Variants in VPS13D observed in about 807,000 individuals in gnomAD.
VPS13D encodes the protein vacuolar protein sorting 13 homolog D.
In VPS13D, 187 loss-of-function variants were observed where a neutral mutation model predicts 461.9. That is an observed-to-expected ratio of 0.40 (90% CI 0.36 to 0.46). The LOEUF is 0.46. VPS13D is among the 20% of genes least tolerant of loss of function. The probability of loss-of-function intolerance (pLI) is 0.60; values close to 1 mark genes in which losing one functional copy is unlikely to be tolerated. For missense variants in VPS13D, 4,711 were observed against 5,364.9 expected, an observed-to-expected ratio of 0.88 and a Z score of 3.81; for synonymous variants, 1,951 against 1,986.3, an observed-to-expected ratio of 0.98 and a Z score of 0.47.
chr1:12,305,395 C>T (rs1642533702), intron 26 of VPS13D, among the ~76,000 whole-genome samples: 1 of 152,144 alleles, frequency 6.6e-6, no homozygotes, highest in African/African-American at 2.4e-5. Flanking sequence ...CCACCTCAGC[C>T]TCCTGAGTAG....
Position 12,335,780 on chromosome 1 carries a change from C to T in VPS13D, c.8504C>T (p.Ser2835Leu), listed in dbSNP as rs770130879. 1 of 1,614,136 alleles carries T rather than the reference C, an allele frequency of 6.2e-7. No individual in the cohort carries two copies. The highest frequency in any genetic ancestry group is 8.5e-7 in the Non-Finnish European group (1 of 1,180,004). ...KDDKDIESAK[S>L]EDWMGSSVDP... is the part of the protein sequence containing the mutation. ...GACAAGGACATAGAGTCAGCTAAATCAGAAGACTGGATGGGCTCTTCGGTG... is the reference window on the plus strand; with the variant it reads ...GACAAGGACATAGAGTCAGCTAAATTAGAAGACTGGATGGGCTCTTCGGTG... Residue 2835 changes from serine (S) to leucine (L), a missense_variant, in exon 39 of 70, where the codon TCA becomes TTA. Ser to Leu is a moderately radical substitution (Grantham distance 145, BLOSUM62 -2). Coordinates refer to ENST00000620676, the MANE Select transcript of VPS13D (RefSeq NM_015378.4).
At chr1:12,254,613 T>G (rs1384275293) in intron 7 of VPS13D, among the ~76,000 whole-genome samples, 1 of 138,218 alleles carries the variant, frequency 7.2e-6, no homozygotes, top group African/African-American at 2.7e-5. Flanking sequence ...GATCTTTGCC[T>G]CCCAGATGGA....
In VPS13D at chr1:12,317,835, A is replaced by G. The variant is rs148022600; in HGVS notation, c.7149-237A>G. Reference sequence around the variant, plus strand: ...GCTATACTACCTATGCTGCTTTCTTATAAAATGTTCCTTGTTGTTTAAAAA... The same window carrying G: ...GCTATACTACCTATGCTGCTTTCTTGTAAAATGTTCCTTGTTGTTTAAAAA... On this transcript the variant is annotated intron_variant, in intron 30 of 69. Coordinates refer to ENST00000620676, the MANE Select transcript of VPS13D (RefSeq NM_015378.4). 2.1e-3 allele frequency among the ~76,000 whole-genome samples: 317 copies of G among 152,336 alleles called. 2 individuals carry two copies. The highest frequency in any genetic ancestry group is 7.1e-3 in the African/African-American group (296 of 41,572).
intron 7 of VPS13D, among the ~76,000 whole-genome samples, chr1:12,255,242 G>A (rs1640880520): frequency 6.6e-6 from 1 of 152,068 alleles, no homozygotes; most frequent in African/African-American, 2.4e-5. Context: ...CACCATGCCC[G>A]GCAGGTTTTT....
intron 19 of VPS13D, 36 bp downstream of exon 19, chr1:12,278,074 AT>A: frequency 1.3e-6 from 2 of 1,556,318 alleles, no homozygotes; most frequent in Non-Finnish European, 1.7e-6. Flanking sequence ...ATTTTGTTTA[AT>A]GATTGAAAAC....
intron 67 of VPS13D, among the ~76,000 whole-genome samples, chr1:12,486,192 G>A (rs1645794619): frequency 6.6e-6 from 1 of 152,188 alleles, no homozygotes; most frequent in Non-Finnish European, 1.5e-5. Flanking sequence ...GGGCACATCT[G>A]GCTAGAGGTG....
chr1:12,280,875 T>G (rs2101376097), intron 20 of VPS13D, among the ~76,000 whole-genome samples: 1 of 152,168 alleles, frequency 6.6e-6, no homozygotes, highest in South Asian at 2.1e-4. Context: ...AATTCTTTCT[T>G]TAAAAATAAT....
At chr1:12,399,867 G>A (rs1393906819) in intron 60 of VPS13D, among the ~76,000 whole-genome samples, 2 of 152,072 alleles carry the variant, frequency 1.3e-5, no homozygotes, top group African/African-American at 4.8e-5. Flanking sequence ...CATGATGTTT[G>A]GAAATATTTT....
chr1:12,254,499 A>T (rs1640846180), intron 7 of VPS13D, among the ~76,000 whole-genome samples: 1 of 151,486 alleles, frequency 6.6e-6, no homozygotes, highest in Non-Finnish European at 1.5e-5. Context: ...GTGAAGGATT[A>T]AAAAAATCTC....
chr1:12,368,610 A>G lies in VPS13D; in HGVS notation c.10572+19A>G. Reference sequence around the variant, plus strand: ...TTCTAAGGTATCAAGTGGAGCTGAGAGCCAGTTTGACTGTTTCATGTGTGG... The same window carrying G: ...TTCTAAGGTATCAAGTGGAGCTGAGGGCCAGTTTGACTGTTTCATGTGTGG... On this transcript the variant is annotated intron_variant, in intron 53 of 69. Transcript: ENST00000620676. 1.2e-6 allele frequency: 2 copies of G among 1,607,138 alleles called. No homozygotes were observed. Among genetic ancestry groups the G allele is most frequent in the Non-Finnish European group, 1.7e-6 (2 of 1,176,430 alleles).
chr1:12,456,348 A>G (rs1397536713), intron 66 of VPS13D, among the ~76,000 whole-genome samples: 7 of 152,022 alleles, frequency 4.6e-5, no homozygotes, highest in African/African-American at 1.7e-4. Context: ...CTAAGAATAC[A>G]AAAATTAGGC....
chr1:12,301,457 G>C (rs1487535669), intron 25 of VPS13D, among the ~76,000 whole-genome samples: 2 of 152,196 alleles, frequency 1.3e-5, no homozygotes, highest in Non-Finnish European at 2.9e-5. Flanking sequence ...CATAAAGGCT[G>C]TAATAAAGGA....
chr1:12,381,960 TTCTTTCTTTCTTTCTTTCTTTCTC>T (rs1644284148), intron 57 of VPS13D, among the ~76,000 whole-genome samples: 2 of 142,706 alleles, frequency 1.4e-5, no homozygotes, highest in African/African-American at 5.4e-5. Context: ...CTTTCTTTCT[TTCTTTCTTTCTTTCTTTCTTTCTC>T]TCTCTCTCTC....
At chr1:12,328,079 A>G (rs1461194672) in intron 36 of VPS13D, among the ~76,000 whole-genome samples, 1 of 152,198 alleles carries the variant, frequency 6.6e-6, no homozygotes, top group Non-Finnish European at 1.5e-5. Context: ...CTTTGATAAA[A>G]TTTCCATTGT....
intron 63 of VPS13D, among the ~76,000 whole-genome samples, chr1:12,408,441 G>A (rs1410694191): frequency 6.6e-6 from 1 of 152,154 alleles, no homozygotes; most frequent in Non-Finnish European, 1.5e-5. Context: ...ACAGCTTACT[G>A]CAGCCTCAAC....
chr1:12,364,289 C>T (rs897946765), intron 52 of VPS13D, among the ~76,000 whole-genome samples: 1 of 152,072 alleles, frequency 6.6e-6, no homozygotes, highest in African/African-American at 2.4e-5. Context: ...CTCTAGGTAC[C>T]TCATGTGAGT....
chr1:12,497,607 TCA>T lies in VPS13D; in HGVS notation c.12773_12774del (p.Thr4258ArgfsTer15). The stretch of plus-strand genomic sequence containing the variant: ...GAAGGACAGGAGCAGCTCTTCAAAC[TCA>T]CAGACAACATACAGGACGAATTGTA... On this transcript the variant is annotated frameshift_variant, in exon 68 of 70. Coordinates refer to ENST00000620676, the MANE Select transcript of VPS13D (RefSeq NM_015378.4). LOFTEE classifies it high-confidence loss of function. 6.2e-7 allele frequency: 1 copy of T among 1,613,818 alleles called. No homozygotes were observed. Among genetic ancestry groups the T allele is most frequent in the Admixed American group, 1.7e-5 (1 of 60,024 alleles).
intron 25 of VPS13D, among the ~76,000 whole-genome samples, chr1:12,303,685 A>G (rs893275347): frequency 7.2e-5 from 11 of 152,220 alleles, no homozygotes; most frequent in Non-Finnish European, 7.4e-5. Flanking sequence ...AGGCAGCCCT[A>G]GAGGGAGAGC....
In VPS13D at chr1:12,353,970, A is replaced by G. The variant is rs752616813; in HGVS notation, c.9432-4A>G. 3.0e-5 allele frequency: 49 copies of G among 1,612,658 alleles called. No individual in the cohort carries two copies. The highest frequency in any genetic ancestry group is 4.2e-5 in the Non-Finnish European group (49 of 1,179,000). The stretch of plus-strand genomic sequence containing the variant: ...ATGATTTTTACACCATTTTATCTTC[A>G]TAGGTTTTGTGTGGCTATAAAGAAA... On this transcript the variant is annotated splice_polypyrimidine_tract_variant and splice_region_variant and intron_variant, in intron 46 of 69. Transcript: ENST00000620676.
Sources: gnomAD v4.1 joint callset for allele counts (sites outside exome capture counted in the v4.1 genomes callset) on GRCh38, gnomAD v4.1.1 for gene constraint, MANE v1.5 for transcripts, NCBI Gene and HGNC (gene_info 2026-07-23, HGNC 2026-07-21) for gene names.